Variants in ZNF334 observed in about 807,000 individuals in gnomAD.
The protein encoded by ZNF334 is zinc finger protein 334.
Under a neutral mutation model 12.4 loss-of-function variants are expected in ZNF334, and 14 were observed. The observed-to-expected ratio is 1.13, with a 90% CI of 0.74 to 1.76. The LOEUF is 1.76. ZNF334 is among the 40% of genes most tolerant of loss of function. The pLI is 0.00. For synonymous variants in ZNF334, 273 were observed against 269.6 expected, an observed-to-expected ratio of 1.01 and a Z score of -0.12; for missense variants, 797 against 804.5, an observed-to-expected ratio of 0.99 and a Z score of 0.11.
At chr20:46,471,695 A>C in the ZNF334 span, among the ~76,000 whole-genome samples, 1 of 152,206 alleles carries the variant, frequency 6.6e-6, no homozygotes. Flanking sequence ...CATCTATTGA[A>C]AAGATCATTC....
chr20:46,499,095 AC>A (rs563055338), downstream of ZNF334, among the ~76,000 whole-genome samples: 1,105 of 147,498 alleles, frequency 7.5e-3, 7 homozygotes, highest in Middle Eastern at 0.017. Context: ...AATGGTGTGA[AC>A]CCGGGAGGCG....
At chr20:46,476,878 A>ATATCC in the ZNF334 span, 1 of 152,258 alleles carries the variant, frequency 6.6e-6, no homozygotes, top group Non-Finnish European at 1.5e-5. Context: ...ACTTTGGGAT[A>ATATCC]TATCCTATCA....
the ZNF334 span, among the ~76,000 whole-genome samples, chr20:46,493,800 T>C: frequency 6.6e-6 from 1 of 152,116 alleles, no homozygotes; most frequent in Non-Finnish European, 1.5e-5. Flanking sequence ...TATGGTGGCG[T>C]GCGCCTTTAA....
At chr20:46,469,183 A>G in the ZNF334 span, among the ~76,000 whole-genome samples, 3 of 152,200 alleles carry the variant, frequency 2.0e-5, no homozygotes, top group Non-Finnish European at 4.4e-5. Context: ...TATACCTGTA[A>G]TAAGAAAAAC....
rs2061108505 is a variant in ZNF334 at position 46,500,242 on chromosome 20, G to A, written c.*1054C>T. On this transcript the variant is annotated 3_prime_UTR_variant, in exon 5 of 5. Coordinates refer to ENST00000692313, the MANE Select transcript of ZNF334 (RefSeq NM_001353824.2). ...ATAATGTGGCAGAGAAGCTAGGAATGGGTATAGGGAAAATCCCACTCATGG... is the reference window on the plus strand; with the variant it reads ...ATAATGTGGCAGAGAAGCTAGGAATAGGTATAGGGAAAATCCCACTCATGG... 2 of 152,156 alleles carry A rather than the reference G, an allele frequency of 1.3e-5. No homozygotes were observed. The highest frequency in any genetic ancestry group is 4.8e-5 in the African/African-American group (2 of 41,422). The allele number at this position is 152,156 out of a possible 1,614,324, so 9.4% of individuals were successfully genotyped here.
At chr20:46,466,280 T>C in the ZNF334 span, among the ~76,000 whole-genome samples, 3 of 152,132 alleles carry the variant, frequency 2.0e-5, no homozygotes, top group Non-Finnish European at 2.9e-5. Context: ...AAAACACACT[T>C]AGAAAATACA....
At chr20:46,503,907 T>G (rs942029493) in intron 4 of ZNF334, among the ~76,000 whole-genome samples, 6 of 152,150 alleles carry the variant, frequency 3.9e-5, no homozygotes, top group Non-Finnish European at 8.8e-5. Context: ...CCTATGACAA[T>G]GGTGGGTGGG....
At chr20:46,468,912 A>C in the ZNF334 span, among the ~76,000 whole-genome samples, 2 of 152,212 alleles carry the variant, frequency 1.3e-5, no homozygotes, top group Admixed American at 1.3e-4. Flanking sequence ...TGTATAATTG[A>C]AATTCCTGTA....
the ZNF334 span, chr20:46,464,051 C>A: frequency 3.3e-5 from 21 of 633,432 alleles, no homozygotes; most frequent in East Asian, 2.7e-4. Context: ...TCAAAGGGGT[C>A]ATTGTTCTCT....
intron 4 of ZNF334, 64 bp from the exon 5 acceptor site, chr20:46,503,161 A>T (rs985848821): frequency 2.7e-6 from 4 of 1,494,908 alleles, no homozygotes; most frequent in Middle Eastern, 4.7e-4. Context: ...TGAAATGAGA[A>T]TTCCTTAGAA....
chr20:46,465,067 G>A, the ZNF334 span: 5 of 307,282 alleles, frequency 1.6e-5, no homozygotes, highest in East Asian at 9.0e-5. Context: ...TGCAAGTAGC[G>A]ACAGTTATGT....
chr20:46,504,540 C>A, intron 3 of ZNF334, 74 bp downstream of exon 3: 8 of 1,509,196 alleles, frequency 5.3e-6, no homozygotes, highest in Middle Eastern at 1.8e-4. Flanking sequence ...TAAATAAATT[C>A]TAGAAATCAA....
the ZNF334 span, among the ~76,000 whole-genome samples, chr20:46,473,562 T>C: frequency 7.6e-3 from 1,156 of 152,370 alleles, 11 homozygotes; most frequent in African/African-American, 0.025. Flanking sequence ...TTCCTTCAGT[T>C]TGATAACAAT....
the ZNF334 span, chr20:46,464,986 G>A: frequency 1.8e-5 from 8 of 443,532 alleles, no homozygotes; most frequent in Non-Finnish European, 2.7e-5. Flanking sequence ...CATCTGCAGC[G>A]GCCTCCATAA....
At chr20:46,491,053 T>C in the ZNF334 span, 23 of 152,798 alleles carry the variant, frequency 1.5e-4, no homozygotes, top group African/African-American at 5.5e-4. Context: ...CAAGGGGCTT[T>C]AGGCATCGCT....
At chr20:46,495,760 C>T (rs1350124799), downstream of ZNF334, among the ~76,000 whole-genome samples, 1 of 152,012 alleles carries the variant, frequency 6.6e-6, no homozygotes, top group African/African-American at 2.4e-5. Context: ...GAAGCAAACC[C>T]TCTGGGAGTT....
the ZNF334 span, among the ~76,000 whole-genome samples, chr20:46,471,538 A>T: frequency 3.3e-5 from 5 of 152,134 alleles, no homozygotes; most frequent in African/African-American, 1.2e-4. Flanking sequence ...TCCTACTTCA[A>T]ATTCATGAAA....
At position 46,503,062 on chromosome 20, in the gene ZNF334, G is replaced by T. The variant is rs1294698804; in HGVS notation, c.277C>A (p.Gln93Lys). The change falls in exon 5 of 5, where the codon CAA becomes AAA. Residue 93 changes from glutamine to lysine, a missense_variant. Gln to Lys is a moderately conservative substitution (Grantham distance 53). Transcript: ENST00000692313. The stretch of plus-strand genomic sequence containing the variant: ...ACAGTTTGTGTCAAATGTTTATCTT[G>T]GATTTCCTTGTTCTTCTCTAAGGCA... Reference protein sequence around the residue: ...DDALEKNKEIQDKHLTQTVFF... With the variant: ...DDALEKNKEIKDKHLTQTVFF... 1 of 1,608,366 alleles carries T rather than the reference G, an allele frequency of 6.2e-7. No individual in the cohort carries two copies. Among genetic ancestry groups the T allele is most frequent in the Non-Finnish European group, 8.5e-7 (1 of 1,177,478 alleles).
At position 46,500,096 on chromosome 20, in the gene ZNF334, C is replaced by T. The variant is rs958356033; in HGVS notation, c.*1200G>A. On this transcript the variant is annotated 3_prime_UTR_variant, in exon 5 of 5. Coordinates refer to ENST00000692313, the MANE Select transcript of ZNF334 (RefSeq NM_001353824.2). ...TACCAATCACAGGCAATATCTGTGA[C>T]AAGAAATTATACTTGCAGGTCAGCC... 1 of 152,150 alleles carries T rather than the reference C, an allele frequency of 6.6e-6. No individual in the cohort carries two copies. The highest frequency in any genetic ancestry group is 2.4e-5 in the African/African-American group (1 of 41,416). 9.4% of individuals were successfully genotyped at this position (152,150 alleles called of 1,614,324 possible).
Sources: allele counts gnomAD v4.1 joint callset (sites outside exome capture counted in the v4.1 genomes callset), GRCh38; gene constraint gnomAD v4.1.1; transcripts MANE v1.5; gene names NCBI Gene and HGNC (gene_info 2026-07-23, HGNC 2026-07-21).